FRY: variants seen among roughly 807,000 people sequenced by gnomAD.
FRY encodes the protein FRY microtubule binding protein.
A neutral mutation model predicts 348.4 loss-of-function variants in FRY; 128 were observed. The observed-to-expected ratio is 0.37, with a 90% CI of 0.32 to 0.43. The LOEUF is 0.43. Ranked by LOEUF, FRY falls within the 20% of genes least tolerant of loss-of-function variation. FRY has a pLI of 1.00. For missense variants in FRY, 2,736 were observed against 3,695.2 expected (o/e 0.74, Z 6.73); for synonymous variants, 1,370 against 1,374.7 (o/e 1.00, Z 0.08).
chr13:32,275,482 C>G (rs548771538), intron 56 of FRY, among the ~76,000 whole-genome samples: 13 of 152,318 alleles, frequency 8.5e-5, no homozygotes, highest in African/African-American at 3.1e-4. Flanking sequence ...CTGCATATGG[C>G]CAGTCCAGGC....
chr13:32,045,619 T>C (rs1322377718), intron 1 of FRY, among the ~76,000 whole-genome samples: 1 of 152,220 alleles, frequency 6.6e-6, no homozygotes, highest in Non-Finnish European at 1.5e-5. Flanking sequence ...TCATTGGCGA[T>C]GTATATGCAA....
At chr13:32,109,497 T>C (rs1258830266) in intron 3 of FRY, among the ~76,000 whole-genome samples, 1 of 152,182 alleles carries the variant, frequency 6.6e-6, no homozygotes, top group East Asian at 1.9e-4. Flanking sequence ...CAGTGACATT[T>C]AAAATAAGCC....
At chr13:32,107,015 G>C (rs1183980619) in intron 3 of FRY, among the ~76,000 whole-genome samples, 2 of 151,898 alleles carry the variant, frequency 1.3e-5, no homozygotes, top group African/African-American at 4.8e-5. Flanking sequence ...AATTTTATTG[G>C]TTTAGTATTT....
chr13:32,258,556 T>A (rs1304631426), intron 51 of FRY, among the ~76,000 whole-genome samples: 1 of 151,496 alleles, frequency 6.6e-6, no homozygotes, highest in Non-Finnish European at 1.5e-5. Context: ...GAGGTTGCAG[T>A]GAGCCAAGAT....
chr13:32,048,739 C>A (rs1242386400), intron 1 of FRY, among the ~76,000 whole-genome samples: 1 of 151,920 alleles, frequency 6.6e-6, no homozygotes, highest in Non-Finnish European at 1.5e-5. Flanking sequence ...GGGAATGCTG[C>A]TGTTTTATAT....
intron 2 of FRY, among the ~76,000 whole-genome samples, chr13:32,095,407 G>A (rs551226577): frequency 7.6e-6 from 1 of 132,102 alleles, no homozygotes; most frequent in African/African-American, 2.8e-5. Flanking sequence ...GAGTGCAGTG[G>A]CGCAGTCTTG....
chr13:32,129,877 C>T (rs979635957), intron 7 of FRY, among the ~76,000 whole-genome samples: 3 of 152,122 alleles, frequency 2.0e-5, no homozygotes, highest in African/African-American at 4.8e-5. Context: ...AATCCCCTCA[C>T]GCCCCACTTG....
At chr13:32,250,721 G>T (rs941658011) in intron 49 of FRY, among the ~76,000 whole-genome samples, 3 of 152,202 alleles carry the variant, frequency 2.0e-5, no homozygotes, top group Non-Finnish European at 2.9e-5. Context: ...AGGACAAAGT[G>T]GGTGCCCAGG....
intron 17 of FRY, among the ~76,000 whole-genome samples, chr13:32,170,422 C>T (rs761888617): frequency 6.6e-6 from 1 of 152,078 alleles, no homozygotes; most frequent in Non-Finnish European, 1.5e-5. Context: ...ATCAGTGTAC[C>T]GTAGTTATAT....
chr13:32,121,343 C>T (rs1055409484), intron 4 of FRY, among the ~76,000 whole-genome samples: 7 of 152,176 alleles, frequency 4.6e-5, no homozygotes, highest in African/African-American at 1.7e-4. Context: ...TATGGAATCT[C>T]CACACTGTTT....
intron 1 of FRY, among the ~76,000 whole-genome samples, chr13:32,056,064 G>A (rs766801666): frequency 5.9e-5 from 9 of 151,770 alleles, no homozygotes; most frequent in African/African-American, 1.5e-4. Context: ...GGTGGCATGC[G>A]CCTGTAGTCC....
chr13:32,107,212 C>G (rs550927728), intron 3 of FRY, among the ~76,000 whole-genome samples: 146 of 152,132 alleles, frequency 9.6e-4, no homozygotes, highest in Non-Finnish European at 1.5e-3. Context: ...CAAAAATTAG[C>G]CAGACGTGGT....
chr13:32,248,550 C>T (rs188488151), intron 48 of FRY, among the ~76,000 whole-genome samples: 59 of 151,884 alleles, frequency 3.9e-4, no homozygotes, highest in East Asian at 3.5e-3. Flanking sequence ...AAGAAATAAA[C>T]CTGGTGTGCT....
chr13:32,246,277 CA>C (rs869261624), intron 47 of FRY, among the ~76,000 whole-genome samples: 3 of 136,892 alleles, frequency 2.2e-5, no homozygotes, highest in African/African-American at 7.4e-5. Context: ...AAAGTCCAGG[CA>C]AAAAATAATA....
chr13:32,174,358 A>G (rs925643391), intron 19 of FRY, among the ~76,000 whole-genome samples: 1 of 152,236 alleles, frequency 6.6e-6, no homozygotes, highest in African/African-American at 2.4e-5. Flanking sequence ...CATCTCTGGC[A>G]TCTGGTAAAT....
chr13:32,184,654 T>G lies in FRY; in HGVS notation c.3109T>G (p.Phe1037Val), dbSNP rs1431431596. Residue 1037 changes from phenylalanine to valine, a missense_variant, in exon 25 of 61, where the codon TTT (phenylalanine) becomes GTT (valine). Physicochemically the swap from Phe to Val is conservative, Grantham distance 50 (BLOSUM62 -1). Around this residue, in one of 9 missense-constraint regions of FRY, gnomAD observed 449 missense variants for 576.9 expected, o/e 0.78. Coordinates refer to ENST00000542859, the MANE Select transcript of FRY (RefSeq NM_023037.3). ...DLLRLQLLRI[F>V]ELLADAGVIS... ...GTTAAGGCTACAACTACTTCGAATT[T>G]TTGAACTTTTGGCTGATGCTGGTGT... 1 of 1,613,226 alleles carries G rather than the reference T, an allele frequency of 6.2e-7. No individual in the cohort carries two copies. The highest frequency in any genetic ancestry group is 1.3e-5 in the African/African-American group (1 of 74,934).
chr13:32,278,275 A>T (rs968318858), intron 57 of FRY, among the ~76,000 whole-genome samples, 190 bp from the exon 58 acceptor site: 10 of 152,196 alleles, frequency 6.6e-5, no homozygotes, highest in African/African-American at 2.4e-4. Flanking sequence ...AACCCATATA[A>T]ACAGATACTT....
chr13:32,116,546 A>G (rs1286855790), intron 3 of FRY, among the ~76,000 whole-genome samples: 2 of 152,186 alleles, frequency 1.3e-5, no homozygotes, highest in African/African-American at 4.8e-5. Context: ...CTTGCCTAAT[A>G]CAAAGTCACA....
intron 1 of FRY, among the ~76,000 whole-genome samples, chr13:32,066,606 T>G (rs1427044048): frequency 6.6e-6 from 1 of 152,202 alleles, no homozygotes; most frequent in East Asian, 1.9e-4. Context: ...ATGTAGGATC[T>G]TTTTTTCTGT....
Sources: gnomAD v4.1 joint callset for allele counts (sites outside exome capture counted in the v4.1 genomes callset) on GRCh38, gnomAD v4.1.1 for gene constraint, gnomAD v4.1.1 regional missense constraint, MANE v1.5 for transcripts, NCBI Gene and HGNC (gene_info 2026-07-23, HGNC 2026-07-21) for gene names.